The following SLC25A26 variants were observed in gnomAD, a reference collection of about 807,000 sequenced individuals.
The protein encoded by SLC25A26 is mitochondrial S-adenosylmethionine carrier protein.
A neutral mutation model predicts 37.8 loss-of-function variants in SLC25A26; 36 were observed. The ratio of observed to expected loss-of-function variants is 0.95; its 90% CI spans 0.73 to 1.26. The LOEUF (loss-of-function observed/expected upper bound fraction) is 1.26. SLC25A26 is among the 50% of genes most tolerant of loss of function. SLC25A26 has a pLI of 0.00. For synonymous variants in SLC25A26, 129 were observed against 122.5 expected, an observed-to-expected ratio of 1.05 and a Z score of -0.35; for missense variants, 390 against 331.1, an observed-to-expected ratio of 1.18 and a Z score of -1.38.
chr3:66,188,944 C>A (rs933830761), intron 1 of SLC25A26, among the ~76,000 whole-genome samples: 1 of 152,122 alleles, frequency 6.6e-6, no homozygotes, highest in Non-Finnish European at 1.5e-5. Context: ...CTGATCCTTA[C>A]AATGACCCTA....
chr3:66,342,752 T>A (rs115784286), intron 5 of SLC25A26, among the ~76,000 whole-genome samples: 2,156 of 152,322 alleles, frequency 0.014, 63 homozygotes, highest in African/African-American at 0.049. Context: ...TGCACTCTTG[T>A]ATAGAATTAT....
intron 5 of SLC25A26, among the ~76,000 whole-genome samples, chr3:66,266,576 C>CTTTT (rs1004250488): frequency 0.056 from 6,201 of 111,338 alleles, 249 homozygotes; most frequent in African/African-American, 0.075. Context: ...TGTTGTCACA[C>CTTTT]TTTTTTTTTT....
intron 5 of SLC25A26, among the ~76,000 whole-genome samples, chr3:66,288,436 A>T (rs1054326030): frequency 1.2e-4 from 18 of 152,078 alleles, no homozygotes; most frequent in African/African-American, 3.6e-4. Flanking sequence ...AACCCGTCTT[A>T]TACATTAAGT....
chr3:66,325,295 A>G (rs760184244), intron 5 of SLC25A26, among the ~76,000 whole-genome samples: 3 of 152,220 alleles, frequency 2.0e-5, no homozygotes, highest in Non-Finnish European at 2.9e-5. Flanking sequence ...TAGTAGCTTA[A>G]TGAGGTTTTG....
intron 1 of SLC25A26, among the ~76,000 whole-genome samples, chr3:66,139,720 G>A (rs1323234819): frequency 6.6e-6 from 1 of 152,162 alleles, no homozygotes; most frequent in Non-Finnish European, 1.5e-5. Context: ...ACATTATAGG[G>A]TCAGAAGCAT....
intron 5 of SLC25A26, among the ~76,000 whole-genome samples, chr3:66,293,714 G>T (rs2074795416): frequency 6.6e-6 from 1 of 152,166 alleles, no homozygotes. Flanking sequence ...TGCAAAGGAA[G>T]TGATGTCGTT....
intron 5 of SLC25A26, among the ~76,000 whole-genome samples, chr3:66,324,747 G>A (rs954238825): frequency 1.3e-5 from 2 of 151,908 alleles, no homozygotes; most frequent in Non-Finnish European, 2.9e-5. Flanking sequence ...TCTCACTGTC[G>A]TGATTTTTGC....
chr3:66,369,204 C>T (rs1700208384), intron 7 of SLC25A26, among the ~76,000 whole-genome samples: 1 of 152,140 alleles, frequency 6.6e-6, no homozygotes, highest in Non-Finnish European at 1.5e-5. Context: ...CATACACACT[C>T]ATTAGTTTGC....
chr3:66,174,007 C>T (rs1441052029), intron 1 of SLC25A26, among the ~76,000 whole-genome samples: 1 of 151,592 alleles, frequency 6.6e-6, no homozygotes, highest in Non-Finnish European at 1.5e-5. Context: ...GAGCCGAGAT[C>T]GTGCCACTGC....
At chr3:66,333,872 C>A (rs915301951) in intron 5 of SLC25A26, among the ~76,000 whole-genome samples, 4 of 152,178 alleles carry the variant, frequency 2.6e-5, no homozygotes, top group Non-Finnish European at 5.9e-5. Context: ...CCAGTTCCCT[C>A]CTCTGTATTA....
At position 66,378,650 on chromosome 3, in the gene SLC25A26, A is replaced by AAAATGTCAGGAATCTAGCAGTG. The variant is rs1700827273; in HGVS notation, c.*844_*865dup. ...CTCCAGGTGTAGAAAAATTCAAAAC[A>AAAATGTCAGGAATCTAGCAGTG]AAATGTCAGGAATCTAGCAGTGTTG... On this transcript the variant is annotated 3_prime_UTR_variant, in exon 10 of 10. Coordinates refer to ENST00000354883, the MANE Select transcript of SLC25A26 (RefSeq NM_001379210.1). 6.6e-6 allele frequency: 1 copy of AAAATGTCAGGAATCTAGCAGTG among 152,480 alleles called. No individual in the cohort carries two copies. Among genetic ancestry groups the AAAATGTCAGGAATCTAGCAGTG allele is most frequent in the African/African-American group, 2.4e-5 (1 of 41,460 alleles). 9.4% of individuals were successfully genotyped at this position (152,480 alleles called of 1,614,324 possible).
intron 1 of SLC25A26, among the ~76,000 whole-genome samples, chr3:66,145,732 CT>C (rs1002929897): frequency 7.2e-5 from 11 of 152,172 alleles, no homozygotes; most frequent in East Asian, 1.9e-4. Flanking sequence ...TTTCAATTTT[CT>C]TTTTTCCCCA....
chr3:66,253,722 T>C (rs1348809775), intron 3 of SLC25A26, among the ~76,000 whole-genome samples: 1 of 152,156 alleles, frequency 6.6e-6, no homozygotes. Flanking sequence ...AGCCACTAAA[T>C]GTGTGGTGAT....
chr3:66,352,248 C>G (rs2107763817), intron 6 of SLC25A26, among the ~76,000 whole-genome samples: 1 of 152,096 alleles, frequency 6.6e-6, no homozygotes, highest in African/African-American at 2.4e-5. Context: ...CTATTCCTTG[C>G]TAAAACCTGT....
At chr3:66,375,436 G>A (rs141549129) in intron 9 of SLC25A26, among the ~76,000 whole-genome samples, 36 of 152,354 alleles carry the variant, frequency 2.4e-4, no homozygotes, top group African/African-American at 8.7e-4. Context: ...CCTAGCTAGA[G>A]AGGAGACATC....
chr3:66,208,662 GTA>G (rs1199617173), intron 1 of SLC25A26, among the ~76,000 whole-genome samples: 1 of 118,376 alleles, frequency 8.4e-6, no homozygotes, highest in Non-Finnish European at 1.7e-5. Flanking sequence ...CTTTATATGG[GTA>G]TATATATATA....
intron 1 of SLC25A26, among the ~76,000 whole-genome samples, chr3:66,187,549 C>G (rs1217301733): frequency 7.2e-5 from 11 of 152,130 alleles, no homozygotes; most frequent in African/African-American, 2.7e-4. Context: ...CTGACTCTAC[C>G]CTTACCCTGG....
chr3:66,248,047 T>A (rs73833421), intron 3 of SLC25A26, among the ~76,000 whole-genome samples: 6,735 of 152,346 alleles, frequency 0.044, 365 homozygotes, highest in East Asian at 0.18. Context: ...TAGATTATTA[T>A]GTTAGACAGA....
At chr3:66,258,900 G>T (rs933572642) in intron 3 of SLC25A26, among the ~76,000 whole-genome samples, 1 of 146,128 alleles carries the variant, frequency 6.8e-6, no homozygotes, top group Non-Finnish European at 1.5e-5. Flanking sequence ...TTTATACCAA[G>T]TTTTCAAAAT....
Sources: gnomAD v4.1 joint callset for allele counts (sites outside exome capture counted in the v4.1 genomes callset) on GRCh38, gnomAD v4.1.1 for gene constraint, MANE v1.5 for transcripts, NCBI Gene and HGNC (gene_info 2026-07-23, HGNC 2026-07-21) for gene names.